TGFBRAP1: variants seen among roughly 807,000 people sequenced by gnomAD.
The protein encoded by TGFBRAP1 is transforming growth factor-beta receptor-associated protein 1.
In TGFBRAP1, 20 loss-of-function variants were observed where a neutral mutation model predicts 83.2. The ratio of observed to expected loss-of-function variants is 0.24; its 90% CI spans 0.17 to 0.35. The LOEUF is 0.35. TGFBRAP1 is among the 10% of genes least tolerant of loss of function. The pLI is 1.00. For missense variants in TGFBRAP1, 950 were observed against 1,099.4 expected, an observed-to-expected ratio of 0.86 and a Z score of 1.92; for synonymous variants, 415 against 459.8, an observed-to-expected ratio of 0.90 and a Z score of 1.25.
downstream of TGFBRAP1, among the ~76,000 whole-genome samples, chr2:105,261,286 G>A (rs573905246): frequency 9.9e-5 from 15 of 152,258 alleles, no homozygotes; most frequent in South Asian, 2.1e-4. Context: ...CTCAAAGCAC[G>A]TAGCGTCATC....
intron 8 of TGFBRAP1, 90 bp from the exon 9 acceptor site, chr2:105,273,780 A>T: frequency 2.7e-6 from 4 of 1,474,856 alleles, no homozygotes; most frequent in Non-Finnish European, 3.6e-6. Context: ...CAAGCTTTGG[A>T]TAAAATCATC....
intron 11 of TGFBRAP1, 159 bp from the exon 12 acceptor site, chr2:105,267,718 G>A (rs1676994721): frequency 1.0e-6 from 1 of 985,294 alleles, no homozygotes; most frequent in African/African-American, 1.7e-5. Flanking sequence ...TGCTAAAGGT[G>A]TAAATAAAAC....
intron 1 of TGFBRAP1, among the ~76,000 whole-genome samples, chr2:105,321,914 C>A (rs964119123): frequency 6.6e-6 from 1 of 152,162 alleles, no homozygotes; most frequent in Non-Finnish European, 1.5e-5. Flanking sequence ...TGTATTTACT[C>A]CACTACACTT....
chr2:105,283,332 T>C (rs909448550), intron 5 of TGFBRAP1, among the ~76,000 whole-genome samples: 1 of 152,206 alleles, frequency 6.6e-6, no homozygotes, highest in African/African-American at 2.4e-5. Flanking sequence ...ATTCTTCAAA[T>C]ATCCAGCATA....
intron 2 of TGFBRAP1, among the ~76,000 whole-genome samples, chr2:105,306,223 C>T (rs565475647): frequency 1.3e-5 from 2 of 151,724 alleles, no homozygotes; most frequent in African/African-American, 4.8e-5. Flanking sequence ...CCACCATGCC[C>T]GGCTAATTTT....
chr2:105,292,021 C>A (rs1677933017), intron 4 of TGFBRAP1, among the ~76,000 whole-genome samples: 1 of 152,194 alleles, frequency 6.6e-6, no homozygotes, highest in African/African-American at 2.4e-5. Flanking sequence ...TCCAGCCAAA[C>A]TGGCCCTCAA....
At chr2:105,255,575 C>T in the TGFBRAP1 span, among the ~76,000 whole-genome samples, 1 of 152,164 alleles carries the variant, frequency 6.6e-6, no homozygotes, top group Admixed American at 6.5e-5. Context: ...CCTCCCTTGG[C>T]CTCCCAAAGT....
At position 105,316,420 on chromosome 2, in the gene TGFBRAP1, AGTGTGTGTGTGTGT is replaced by A. The variant is rs71393002; in HGVS notation, c.-17-8116_-17-8103del. Among the ~76,000 whole-genome samples the A allele has an allele frequency of 1.7e-3, 186 of 109,118 alleles. 1 individual carries two copies. Among genetic ancestry groups the A allele is most frequent in the African/African-American group, 5.3e-3 (146 of 27,700 alleles). 71.6% of individuals were successfully genotyped at this position (109,118 alleles called of 152,430 possible). ...AATACAAACTCTTACAGGTATAGGGAGTGTGTGTGTGTGTGTGTGTGTGTGTGTGTGTGTGTGTG... is the reference window on the plus strand; with the variant it reads ...AATACAAACTCTTACAGGTATAGGGAGTGTGTGTGTGTGTGTGTGTGTGTG... On this transcript the variant is annotated intron_variant, in intron 1 of 11. Transcript: ENST00000393359.
downstream of TGFBRAP1, among the ~76,000 whole-genome samples, chr2:105,261,513 AG>A (rs1342523499): frequency 1.3e-5 from 2 of 152,314 alleles, no homozygotes; most frequent in Non-Finnish European, 2.9e-5. Context: ...GCACTTTGGG[AG>A]GCCGAGGTAG....
Position 105,280,666 on chromosome 2 carries a change from G to T in TGFBRAP1, c.1179C>A (p.Thr393=). The change falls in exon 6 of 12, where the codon ACC becomes ACA. Residue 393 remains threonine, a synonymous_variant. Transcript: ENST00000393359. ...GGTGGGACCGGGTGAAGGAGGAGGA[G>T]GTGGGCAACAGGAAGGGGTAGAGAG... ...LISLYPFLLP[T]SSSFTRSHPP... The T allele has an allele frequency of 6.2e-7, 1 of 1,614,174 alleles. No homozygotes were observed. Among genetic ancestry groups the T allele is most frequent in the Non-Finnish European group, 8.5e-7 (1 of 1,180,024 alleles).
intron 10 of TGFBRAP1, among the ~76,000 whole-genome samples, chr2:105,270,357 G>C (rs1321257885): frequency 1.3e-5 from 2 of 152,038 alleles, no homozygotes; most frequent in African/African-American, 4.8e-5. Flanking sequence ...ACCCTTAGTG[G>C]GCTGTGTCTC....
At chr2:105,253,120 T>A in the TGFBRAP1 span, among the ~76,000 whole-genome samples, 3 of 151,748 alleles carry the variant, frequency 2.0e-5, no homozygotes, top group Non-Finnish European at 4.4e-5. Flanking sequence ...TATGAATAAA[T>A]GCCCCTTAGT....
chr2:105,267,920 G>A (rs1558809697), intron 11 of TGFBRAP1: 4 of 975,198 alleles, frequency 4.1e-6, no homozygotes, highest in Admixed American at 6.2e-5. Context: ...ATATAATAGT[G>A]TAACTCCAGG....
At position 105,267,340 on chromosome 2, in the gene TGFBRAP1, A is replaced by C; in HGVS notation, c.*43T>G. 1 of 1,607,116 alleles carries C rather than the reference A, an allele frequency of 6.2e-7. No individual in the cohort carries two copies. Among genetic ancestry groups the C allele is most frequent in the Non-Finnish European group, 8.5e-7 (1 of 1,175,680 alleles). ...TCTGCTCTTCATGTCCAGCAGGCTC[A>C]GAAAGAACTCGGAGTTCCCCTCGCA... On this transcript the variant is annotated 3_prime_UTR_variant, in exon 12 of 12. Coordinates refer to ENST00000393359, the MANE Select transcript of TGFBRAP1 (RefSeq NM_004257.6).
At position 105,296,455 on chromosome 2, in the gene TGFBRAP1, C is replaced by G; in HGVS notation, c.939G>C (p.Leu313Phe). ...KGVYILVPLP[L>F]EKQIQDLLAS... Reference sequence around the variant, plus strand: ...CTAGAAGATCCTGTATTTGTTTTTCCAAAGGTAATGGAACCAAGATGTAAA... The same window carrying G: ...CTAGAAGATCCTGTATTTGTTTTTCGAAAGGTAATGGAACCAAGATGTAAA... The change falls in exon 4 of 12, where the codon TTG becomes TTC. Residue 313 changes from leucine to phenylalanine, a missense_variant. By Grantham distance (22) the Leu-to-Phe change is conservative (BLOSUM62 0). Transcript: ENST00000393359. 6.2e-7 allele frequency: 1 copy of G among 1,614,034 alleles called. No homozygotes were observed. The highest frequency in any genetic ancestry group is 1.3e-5 in the African/African-American group (1 of 74,998).
rs1431290202 is a variant in TGFBRAP1, at chr2:105,269,308, C to G, written c.2370G>C (p.Leu790=). The part of the protein sequence containing the change: ...ARRTMQVALG[L]ARSENLIYTY... Reference sequence around the variant, plus strand: ...TGTAGATTAAGTTTTCGGACCTGGCCAGGCCGAGAGCCACCTGCATGGTCC... The same window carrying G: ...TGTAGATTAAGTTTTCGGACCTGGCGAGGCCGAGAGCCACCTGCATGGTCC... Residue 790 remains leucine, a synonymous_variant, in exon 11 of 12, where the codon CTG becomes CTC. Coordinates refer to ENST00000393359, the MANE Select transcript of TGFBRAP1 (RefSeq NM_004257.6). This position sits in a 1 kb window ranked among gnomAD's most constrained non-coding sequence, Gnocchi z 4.1. 1.2e-6 allele frequency: 2 copies of G among 1,610,784 alleles called. No homozygotes were observed. Among genetic ancestry groups the G allele is most frequent in the Admixed American group, 1.7e-5 (1 of 59,768 alleles).
rs537766060 is a variant in TGFBRAP1, at chr2:105,269,299, G to T, written c.2379C>A (p.Ser793=). 1.2e-6 allele frequency: 2 copies of T among 1,609,966 alleles called. No homozygotes were observed. The highest frequency in any genetic ancestry group is 1.7e-6 in the Non-Finnish European group (2 of 1,177,160). The change falls in exon 11 of 12, where the codon TCC becomes TCA. Residue 793 remains serine (S), a synonymous_variant. Coordinates refer to ENST00000393359, the MANE Select transcript of TGFBRAP1 (RefSeq NM_004257.6). This position sits in a 1 kb window ranked among gnomAD's most constrained non-coding sequence, Gnocchi z 4.1. ...TATCGTAGGTGTAGATTAAGTTTTC[G>T]GACCTGGCCAGGCCGAGAGCCACCT... is the stretch of plus-strand genomic sequence containing the variant. The part of the protein sequence containing the change: ...TMQVALGLAR[S]ENLIYTYDKM...
At chr2:105,262,263 G>A (rs1454402300), downstream of TGFBRAP1, among the ~76,000 whole-genome samples, 2 of 152,134 alleles carry the variant, frequency 1.3e-5, no homozygotes, top group African/African-American at 4.8e-5. Flanking sequence ...TTGGAACCCG[G>A]GGACGAATCC....
intron 2 of TGFBRAP1, among the ~76,000 whole-genome samples, chr2:105,305,588 G>C (rs1285164620): frequency 6.6e-6 from 1 of 152,222 alleles, no homozygotes; most frequent in African/African-American, 2.4e-5. Flanking sequence ...GGACATAACA[G>C]AGAGAAAATG....
Sources: gnomAD v4.1 joint callset for allele counts (sites outside exome capture counted in the v4.1 genomes callset) on GRCh38, gnomAD v4.1.1 for gene constraint, Gnocchi (gnomAD v3.1) non-coding constraint, MANE v1.5 for transcripts, NCBI Gene and HGNC (gene_info 2026-07-23, HGNC 2026-07-21) for gene names.